Variants in UQCC1 observed in about 807,000 individuals in gnomAD.
The protein encoded by UQCC1 is bFGF-repressed Zic-binding protein.
Under a neutral mutation model 48.0 loss-of-function variants are expected in UQCC1, and 38 were observed. The observed-to-expected ratio is 0.79, with a 90% CI of 0.61 to 1.04. UQCC1 has a LOEUF of 1.04. Ranked by LOEUF, UQCC1 falls within the 50% of genes least tolerant of loss-of-function variation. The pLI is 0.00. For synonymous variants in UQCC1, 111 were observed against 129.2 expected, an observed-to-expected ratio of 0.86 and a Z score of 0.95; for missense variants, 368 against 381.8, an observed-to-expected ratio of 0.96 and a Z score of 0.30.
intron 6 of UQCC1, among the ~76,000 whole-genome samples, chr20:35,365,462 C>T (rs566951248): frequency 1.3e-5 from 2 of 152,150 alleles, no homozygotes; most frequent in Admixed American, 6.6e-5. Context: ...TGAGACCAGC[C>T]TGGCCAAGAT....
At chr20:35,345,909 C>T (rs751623481) in intron 7 of UQCC1, 5 of 152,108 alleles carry the variant, frequency 3.3e-5, no homozygotes, top group Admixed American at 1.3e-4. Flanking sequence ...TGAAATGCTT[C>T]CCAGTAACAG....
At chr20:35,347,340 G>C in intron 6 of UQCC1, 68 bp from the exon 7 acceptor site, 3 of 1,585,246 alleles carry the variant, frequency 1.9e-6, no homozygotes, top group Non-Finnish European at 2.6e-6. Flanking sequence ...TTCCACTGAA[G>C]GTCTCCTCAT....
intron 7 of UQCC1, among the ~76,000 whole-genome samples, chr20:35,321,283 T>TGTGTGTGTGTGCGCGC (rs1389196330): frequency 1.4e-4 from 20 of 141,588 alleles, no homozygotes; most frequent in African/African-American, 4.3e-4. Flanking sequence ...TGTGTGTGTG[T>TGTGTGTGTGTGCGCGC]GCGCGCGCGC....
At chr20:35,318,218 C>T (rs991815775) in intron 7 of UQCC1, among the ~76,000 whole-genome samples, 1 of 152,128 alleles carries the variant, frequency 6.6e-6, no homozygotes, top group East Asian at 1.9e-4. Flanking sequence ...CAGGAAGGGC[C>T]CTCAGAGATT....
intron 9 of UQCC1, 48 bp from the exon 10 acceptor site, chr20:35,304,117 G>C (rs1568642232): frequency 6.2e-7 from 1 of 1,610,262 alleles, no homozygotes. Flanking sequence ...GCAGGGCAGA[G>C]GTGAGGAGCC....
chr20:35,353,600 A>G (rs1374802518), intron 6 of UQCC1, among the ~76,000 whole-genome samples: 1 of 151,954 alleles, frequency 6.6e-6, no homozygotes, highest in Non-Finnish European at 1.5e-5. Context: ...AGACCAACCA[A>G]GGTAACAAAG....
chr20:35,376,006 C>T (rs1034401056), intron 4 of UQCC1, among the ~76,000 whole-genome samples: 2 of 140,092 alleles, frequency 1.4e-5, no homozygotes, highest in Non-Finnish European at 3.1e-5. Flanking sequence ...TTAAAAATAT[C>T]AATAAAATTA....
chr20:35,303,653 T>C lies in UQCC1; in HGVS notation c.*282A>G. ...AAAGCTATCAGTCACATGTAGTTGC[T>C]GGAGGGGGTTGGGGAGTGTGTGCTG... is the stretch of plus-strand genomic sequence containing the variant. On this transcript the variant is annotated 3_prime_UTR_variant, in exon 10 of 10. Transcript: ENST00000374385. 2.3e-6 allele frequency: 1 copy of C among 426,036 alleles called. No individual in the cohort carries two copies. Among genetic ancestry groups the C allele is most frequent in the Non-Finnish European group, 4.3e-6 (1 of 231,680 alleles). 26.4% of individuals were successfully genotyped at this position (426,036 alleles called of 1,614,324 possible). A position where few individuals can be genotyped will look rare whatever the true frequency, so the allele number is the denominator to read the frequency against.
chr20:35,310,662 A>AAG (rs1250528763), intron 8 of UQCC1, among the ~76,000 whole-genome samples: 1 of 148,882 alleles, frequency 6.7e-6, no homozygotes, highest in Non-Finnish European at 1.5e-5. Flanking sequence ...AAAAAAAAAA[A>AAG]AAAAAATTGG....
At chr20:35,387,628 C>A (rs1008587670) in intron 2 of UQCC1, among the ~76,000 whole-genome samples, 2 of 151,896 alleles carry the variant, frequency 1.3e-5, no homozygotes, top group Admixed American at 1.3e-4. Flanking sequence ...GGAATTTAGG[C>A]TGTTTAGCTT....
At chr20:35,334,999 C>T (rs2061299977) in intron 7 of UQCC1, among the ~76,000 whole-genome samples, 1 of 152,192 alleles carries the variant, frequency 6.6e-6, no homozygotes, top group Non-Finnish European at 1.5e-5. Flanking sequence ...GCCACACTGT[C>T]CCTTCTTACT....
chr20:35,388,514 A>G lies in UQCC1; in HGVS notation c.130-4381T>C, dbSNP rs1319544859. Among the ~76,000 whole-genome samples, 4 of 151,450 alleles carry G rather than the reference A, an allele frequency of 2.6e-5. No individual in the cohort carries two copies. In the East Asian group the frequency reaches 7.8e-4, roughly 29 times the overall value. ...GCTGGTCTCAAATTCCTGGCCTCAAACAATCCTCCCACCTTGGCCTCCAGA... is the reference window on the plus strand; with the variant it reads ...GCTGGTCTCAAATTCCTGGCCTCAAGCAATCCTCCCACCTTGGCCTCCAGA... On this transcript the variant is annotated intron_variant, in intron 2 of 9. Coordinates refer to ENST00000374385, the MANE Select transcript of UQCC1 (RefSeq NM_018244.5).
chr20:35,388,296 T>C (rs1189635040), intron 2 of UQCC1, among the ~76,000 whole-genome samples: 1 of 5,742 alleles, frequency 1.7e-4, no homozygotes, highest in East Asian at 2.9e-3. Context: ...TATTTCTTTT[T>C]TTCTTTTTTT....
chr20:35,341,037 G>A (rs1418447383), intron 7 of UQCC1, among the ~76,000 whole-genome samples: 2 of 151,758 alleles, frequency 1.3e-5, no homozygotes, highest in Non-Finnish European at 2.9e-5. Context: ...GAGACCAGTC[G>A]GGCTAACATG....
intron 6 of UQCC1, among the ~76,000 whole-genome samples, chr20:35,358,356 C>CAAAA (rs1198006186): frequency 3.8e-4 from 19 of 49,392 alleles, no homozygotes; most frequent in African/African-American, 8.1e-4. Flanking sequence ...GACTCTGTCT[C>CAAAA]AAAAAAAAAA....
At chr20:35,399,165 A>G (rs1197544899) in intron 1 of UQCC1, among the ~76,000 whole-genome samples, 1 of 152,242 alleles carries the variant, frequency 6.6e-6, no homozygotes, top group Admixed American at 6.5e-5. Flanking sequence ...AAGCACTTTG[A>G]TAACAGAAAA....
intron 7 of UQCC1, among the ~76,000 whole-genome samples, chr20:35,319,788 G>C (rs1319206414): frequency 6.6e-6 from 1 of 152,160 alleles, no homozygotes; most frequent in African/African-American, 2.4e-5. Context: ...TCTCAAGGAG[G>C]AATATTAGCT....
At chr20:35,392,224 T>C in intron 2 of UQCC1, 1 of 1,303,928 alleles carries the variant, frequency 7.7e-7, no homozygotes, top group Non-Finnish European at 1.0e-6. Flanking sequence ...TTCCTCCCTG[T>C]GAGACATGTA....
In UQCC1 at chr20:35,315,089, A is replaced by G. The variant is rs73616651; in HGVS notation, c.574-324T>C. On this transcript the variant is annotated intron_variant, in intron 7 of 9. Coordinates refer to ENST00000374385, the MANE Select transcript of UQCC1 (RefSeq NM_018244.5). ...GAGGAGCACAGTCCAATGTAGGAAA[A>G]TAGGCATATAAAAAATAATTATACT... is the stretch of plus-strand genomic sequence containing the variant. 138 of 175,344 alleles carry G rather than the reference A, an allele frequency of 7.9e-4. No homozygotes were observed. The East Asian group carries it at 0.01, about 13-fold the overall frequency. The allele number at this position is 175,344 out of a possible 1,614,324, so 10.9% of individuals were successfully genotyped here. A position where few individuals can be genotyped will look rare whatever the true frequency, so the allele number is the denominator to read the frequency against.
Sources: allele counts gnomAD v4.1 joint callset (sites outside exome capture counted in the v4.1 genomes callset), GRCh38; gene constraint gnomAD v4.1.1; transcripts MANE v1.5; gene names NCBI Gene and HGNC (gene_info 2026-07-23, HGNC 2026-07-21).